HPS4: variants seen among roughly 807,000 people sequenced by gnomAD.
HPS4 encodes HPS4 biogenesis of lysosomal organelles complex 3 subunit 2, also known as BLOC-3 complex member HPS4.
A neutral mutation model predicts 70.3 loss-of-function variants in HPS4; 44 were observed. That is an observed-to-expected ratio of 0.63 (90% CI 0.49 to 0.80). HPS4 has a LOEUF of 0.80. Among genes scored for constraint, HPS4 ranks in the 30% least tolerant of loss-of-function variants. HPS4 has a pLI of 0.00. For missense variants in HPS4, 873 were observed against 884.4 expected (o/e 0.99, Z 0.16); for synonymous variants, 377 against 355.9 (o/e 1.06, Z -0.67).
Position 26,479,534 on chromosome 22 carries a change from G to A in HPS4, c.42-179C>T, listed in dbSNP as rs980263289. 1.7e-5 allele frequency: 24 copies of A among 1,422,458 alleles called. No individual in the cohort carries two copies. The African/African-American group carries it at 2.0e-4, about 12-fold the overall frequency. The allele number at this position is 1,422,458 out of a possible 1,614,324, so 88.1% of individuals were successfully genotyped here. ...AATTAGATAAAACCATTCTGTAAGC[G>A]CAGGAAATTCAAACTAAAAATATGC... On this transcript the variant is annotated intron_variant, in intron 2 of 13. Coordinates refer to ENST00000398145, the MANE Select transcript of HPS4 (RefSeq NM_022081.6).
At chr22:26,454,368 C>T (rs1453826177) in intron 13 of HPS4, among the ~76,000 whole-genome samples, 1 of 152,236 alleles carries the variant, frequency 6.6e-6, no homozygotes, top group Non-Finnish European at 1.5e-5. Flanking sequence ...GTGTCCTGGG[C>T]TGCTATTCAA....
At chr22:26,476,163 G>A (rs1171824137) in intron 4 of HPS4, 1 of 152,124 alleles carries the variant, frequency 6.6e-6, no homozygotes. Flanking sequence ...AGTATTCACT[G>A]TAAAATTCAA....
At chr22:26,461,948 G>A (rs1056332859) in intron 11 of HPS4, among the ~76,000 whole-genome samples, 7 of 152,156 alleles carry the variant, frequency 4.6e-5, no homozygotes, top group Non-Finnish European at 8.8e-5. Flanking sequence ...CCAACATGGA[G>A]AAACCCCGTC....
chr22:26,470,467 C>T (rs2089606239), intron 7 of HPS4, among the ~76,000 whole-genome samples: 1 of 152,238 alleles, frequency 6.6e-6, no homozygotes, highest in African/African-American at 2.4e-5. Context: ...CAGCATGCCC[C>T]ATACTGAGAA....
Position 26,464,259 on chromosome 22 carries a change from T to C in HPS4, c.1371A>G (p.Arg457=). Residue 457 remains arginine (R), a synonymous_variant, in exon 11 of 14, where the codon AGA becomes AGG. Coordinates refer to ENST00000398145, the MANE Select transcript of HPS4 (RefSeq NM_022081.6). ...PGHSSQAPIP[R]ADPLPRRTRR... is the part of the protein sequence containing the mutation. ...GGGTCCTTCTGGGGAGAGGGTCTGCTCTGGGAATGGGGGCTTGGCTGCTAT... is the reference window on the plus strand; with the variant it reads ...GGGTCCTTCTGGGGAGAGGGTCTGCCCTGGGAATGGGGGCTTGGCTGCTAT... 1 of 1,614,100 alleles carries C rather than the reference T, an allele frequency of 6.2e-7. No homozygotes were observed. Among genetic ancestry groups the C allele is most frequent in the East Asian group, 2.2e-5 (1 of 44,868 alleles).
At chr22:26,479,628 C>T in intron 2 of HPS4, 1 of 1,319,378 alleles carries the variant, frequency 7.6e-7, no homozygotes, top group Admixed American at 3.6e-5. Context: ...GAGGCGCCCA[C>T]AATGACTGCT....
At chr22:26,480,377 T>C (rs1306403459) in intron 2 of HPS4, among the ~76,000 whole-genome samples, 1 of 152,100 alleles carries the variant, frequency 6.6e-6, no homozygotes, top group Non-Finnish European at 1.5e-5. Flanking sequence ...TCTCACTATA[T>C]TGCCCAGGCT....
rs781196776 is a variant in HPS4, at chr22:26,464,418, T to C, written c.1212A>G (p.Ala404=). ...VPDGRAPYCK[A]SLSASSSLEP... ...CCAGGCTGCTGGAGGCGCTGAGAGA[T>C]GCCTTGCAGTAAGGAGCCCTGCCAT... Residue 404 remains alanine, a synonymous_variant, in exon 11 of 14, where the codon GCA becomes GCG. Transcript: ENST00000398145. 6.8e-6 allele frequency: 11 copies of C among 1,614,066 alleles called. No individual in the cohort carries two copies. The highest frequency in any genetic ancestry group is 9.3e-6 in the Non-Finnish European group (11 of 1,180,032).
chr22:26,479,538 G>T lies in HPS4; in HGVS notation c.42-183C>A, dbSNP rs2091043164. The T allele has an allele frequency of 2.1e-6, 3 of 1,414,398 alleles. No individual in the cohort carries two copies. In the East Asian group the frequency reaches 7.7e-5, roughly 36 times the overall value. 87.6% of individuals were successfully genotyped at this position (1,414,398 alleles called of 1,614,324 possible). A position where few individuals can be genotyped will look rare whatever the true frequency, so the allele number is the denominator to read the frequency against. ...AGATAAAACCATTCTGTAAGCGCAG[G>T]AAATTCAAACTAAAAATATGCCTCT... On this transcript the variant is annotated intron_variant, in intron 2 of 13. Coordinates refer to ENST00000398145, the MANE Select transcript of HPS4 (RefSeq NM_022081.6).
At chr22:26,446,395 G>T (rs536155548), downstream of HPS4, among the ~76,000 whole-genome samples, 56 of 152,310 alleles carry the variant, frequency 3.7e-4, no homozygotes, top group African/African-American at 5.1e-4. Flanking sequence ...AGCATACTGT[G>T]GGGGAGAGGA....
chr22:26,471,159 G>A, intron 6 of HPS4: 2 of 410,476 alleles, frequency 4.9e-6, no homozygotes, highest in East Asian at 5.7e-5. Context: ...GGCAGCAGAA[G>A]AGGAGGGTGT....
At position 26,451,986 on chromosome 22, in the gene HPS4, ACGCGCGCGCGCGCGCG is replaced by A. The variant is rs10573454; in HGVS notation, c.*1231_*1246del. ...AGGAAAAGAGGGATGCGCCCACGTT[ACGCGCGCGCGCGCGCG>A]CGCACACACACACACACACACACAC... On this transcript the variant is annotated 3_prime_UTR_variant, in exon 14 of 14. Transcript: ENST00000398145. 1 of 148,252 alleles carries A rather than the reference ACGCGCGCGCGCGCGCG, an allele frequency of 6.7e-6. No individual in the cohort carries two copies. The highest frequency in any genetic ancestry group is 2.1e-4 in the East Asian group (1 of 4,792). The allele number at this position is 148,252 out of a possible 1,614,324, so 9.2% of individuals were successfully genotyped here.
intron 7 of HPS4, 59 bp downstream of exon 7, chr22:26,470,660 G>A (rs2089643867): frequency 6.5e-7 from 1 of 1,545,338 alleles, no homozygotes; most frequent in Middle Eastern, 2.3e-4. Context: ...GGAGGTGGCT[G>A]ATGGTCAGTT....
At position 26,481,956 on chromosome 22, in the gene HPS4, G is replaced by A. The variant is rs2091328045; in HGVS notation, c.-194C>T. 3.2e-6 allele frequency: 2 copies of A among 623,248 alleles called. No homozygotes were observed. Among genetic ancestry groups the A allele is most frequent in the Non-Finnish European group, 2.9e-6 (1 of 343,198 alleles). The allele number at this position is 623,248 out of a possible 1,614,324, so 38.6% of individuals were successfully genotyped here. ...GAAAGTTCCACTTCCCTTCCTTGCA[G>A]GTTCTTCAGTTTCATGTATATTTCC... On this transcript the variant is annotated 5_prime_UTR_variant, in exon 2 of 14. Coordinates refer to ENST00000398145, the MANE Select transcript of HPS4 (RefSeq NM_022081.6).
downstream of HPS4, chr22:26,443,267 T>A (rs1178101653): frequency 3.0e-6 from 4 of 1,349,428 alleles, no homozygotes; most frequent in African/African-American, 4.3e-5. Flanking sequence ...CAGACTGTGG[T>A]CCGGTCCAGT....
chr22:26,468,380 C>T lies in HPS4; in HGVS notation c.669+171G>A, dbSNP rs191929681. The T allele has an allele frequency of 8.1e-4, 537 of 664,616 alleles. 3 individuals carry two copies. In the Middle Eastern group the frequency reaches 9.6e-3, roughly 12 times the overall value. 41.2% of individuals were successfully genotyped at this position (664,616 alleles called of 1,614,324 possible). A position where few individuals can be genotyped will look rare whatever the true frequency, so the allele number is the denominator to read the frequency against. On this transcript the variant is annotated intron_variant, in intron 8 of 13. Transcript: ENST00000398145. ...GTGGAAGAAAACATTTTCTTTCAGC[C>T]TCACCAATGGCTTCACTACTGAGGA...
In HPS4 at chr22:26,452,222, T is replaced by C. The variant is rs2085337127; in HGVS notation, c.*1011A>G. On this transcript the variant is annotated 3_prime_UTR_variant, in exon 14 of 14. Transcript: ENST00000398145. ...AATTATTAACAATACAACTCTCAAATGGAATCTCAAGTACTTCCAGTAAAC... is the reference window on the plus strand; with the variant it reads ...AATTATTAACAATACAACTCTCAAACGGAATCTCAAGTACTTCCAGTAAAC... 1.8e-5 allele frequency: 7 copies of C among 380,932 alleles called. No individual in the cohort carries two copies. Among genetic ancestry groups the C allele is most frequent in the South Asian group, 1.4e-4 (7 of 50,774 alleles). 23.6% of individuals were successfully genotyped at this position (380,932 alleles called of 1,614,324 possible).
At chr22:26,482,444 C>T (rs988089511) in intron 1 of HPS4, among the ~76,000 whole-genome samples, 2 of 152,128 alleles carry the variant, frequency 1.3e-5, no homozygotes, top group Admixed American at 6.5e-5. Flanking sequence ...ACAAGCTTCA[C>T]GGAAGATAAA....
chr22:26,472,614 C>T (rs1384116248), intron 5 of HPS4, among the ~76,000 whole-genome samples, 196 bp from the exon 6 acceptor site: 1 of 152,210 alleles, frequency 6.6e-6, no homozygotes, highest in African/African-American at 2.4e-5. Context: ...GCTTTCTAAA[C>T]ATCCCAGGGA....
Sources: allele counts gnomAD v4.1 joint callset (sites outside exome capture counted in the v4.1 genomes callset), GRCh38; gene constraint gnomAD v4.1.1; transcripts MANE v1.5; gene names NCBI Gene and HGNC (gene_info 2026-07-23, HGNC 2026-07-21).